The following ARHGAP24 variants were observed in gnomAD, a reference collection of about 807,000 sequenced individuals.
ARHGAP24 encodes Rho GTPase activating protein 24.
In ARHGAP24, 50 loss-of-function variants were observed where a neutral mutation model predicts 76.4. That is an observed-to-expected ratio of 0.65 (90% CI 0.52 to 0.83). The LOEUF is 0.83. ARHGAP24 is among the 40% of genes least tolerant of loss of function. The pLI is 0.00. For missense variants in ARHGAP24, 930 were observed against 914.2 expected (o/e 1.02, Z -0.22); for synonymous variants, 345 against 323.3 (o/e 1.07, Z -0.72).
At chr4:85,984,798 G>A (rs1739882202) in intron 8 of ARHGAP24, among the ~76,000 whole-genome samples, 1 of 151,888 alleles carries the variant, frequency 6.6e-6, no homozygotes, top group African/African-American at 2.4e-5. Context: ...GGATTTTTTT[G>A]TTTTAGAAAA....
intron 3 of ARHGAP24, among the ~76,000 whole-genome samples, chr4:85,725,404 C>A (rs1287646617): frequency 6.6e-6 from 1 of 152,202 alleles, no homozygotes; most frequent in East Asian, 1.9e-4. Flanking sequence ...TTGCATAGGA[C>A]CTTTTCTCCC....
intron 2 of ARHGAP24, among the ~76,000 whole-genome samples, chr4:85,655,888 A>G (rs1316128644): frequency 4.0e-5 from 6 of 150,092 alleles, no homozygotes; most frequent in African/African-American, 1.5e-4. Context: ...AAGAGTAAGT[A>G]TACTGTACAC....
intron 3 of ARHGAP24, among the ~76,000 whole-genome samples, chr4:85,759,712 G>T (rs1012609518): frequency 1.3e-5 from 2 of 152,152 alleles, no homozygotes; most frequent in Non-Finnish European, 2.9e-5. Flanking sequence ...TGTGTAAAAG[G>T]ACAGTGGCAG....
chr4:85,849,111 CT>C lies in ARHGAP24; in HGVS notation c.269-74533del, dbSNP rs1183846047. ...ATGTTCTTCCATTTGTTTGTATCCT[CT>C]TTTATTTCCTTGAGCAGTGGTTTGT... On this transcript the variant is annotated intron_variant, in intron 3 of 9. Transcript: ENST00000395184. Among the ~76,000 whole-genome samples, 5 of 144,444 alleles carry C rather than the reference CT, an allele frequency of 3.5e-5. No homozygotes were observed. The South Asian group carries it at 7.5e-4, about 22-fold the overall frequency. The allele number at this position is 144,444 out of a possible 152,430, so 94.8% of individuals were successfully genotyped here.
chr4:85,594,576 T>C (rs1423808144), intron 2 of ARHGAP24, among the ~76,000 whole-genome samples: 2 of 152,042 alleles, frequency 1.3e-5, no homozygotes, highest in Non-Finnish European at 2.9e-5. Context: ...CACAATATTA[T>C]ATTCAAAAGC....
At chr4:85,801,470 G>T (rs1004279795) in intron 3 of ARHGAP24, among the ~76,000 whole-genome samples, 3 of 152,092 alleles carry the variant, frequency 2.0e-5, no homozygotes, top group African/African-American at 4.8e-5. Flanking sequence ...CCATATGGTT[G>T]GTCAGTTGCT....
intron 3 of ARHGAP24, among the ~76,000 whole-genome samples, chr4:85,775,403 CT>C (rs1218637559): frequency 6.6e-6 from 1 of 152,150 alleles, no homozygotes; most frequent in Admixed American, 6.5e-5. Flanking sequence ...GTTTAATGGA[CT>C]CACAGTTCCA....
intron 2 of ARHGAP24, among the ~76,000 whole-genome samples, chr4:85,626,246 G>A (rs1720949500): frequency 6.6e-6 from 1 of 152,164 alleles, no homozygotes; most frequent in South Asian, 2.1e-4. Context: ...TCCTTCAGGA[G>A]CTCTTTTAGG....
chr4:85,733,182 G>C lies in ARHGAP24; in HGVS notation c.268+11210G>C, dbSNP rs182428341. ...GGGTTCACACCTTTCTCCTGCCTCA[G>C]CTTCCCGAGTAGCTGGGACTACAGG... is the stretch of plus-strand genomic sequence containing the variant. On this transcript the variant is annotated intron_variant, in intron 3 of 9. Coordinates refer to ENST00000395184, the MANE Select transcript of ARHGAP24 (RefSeq NM_001025616.3). Among the ~76,000 whole-genome samples, 19 of 148,426 alleles carry C rather than the reference G, an allele frequency of 1.3e-4. No individual in the cohort carries two copies. In the East Asian group the frequency reaches 3.8e-3, roughly 30 times the overall value.
chr4:85,977,074 C>T (rs1739383163), intron 7 of ARHGAP24, among the ~76,000 whole-genome samples: 2 of 152,140 alleles, frequency 1.3e-5, no homozygotes, highest in Non-Finnish European at 2.9e-5. Context: ...AGGTGTGAGC[C>T]ACCATGTCCG....
intron 3 of ARHGAP24, among the ~76,000 whole-genome samples, chr4:85,828,253 T>C (rs1187619058): frequency 1.3e-5 from 2 of 152,218 alleles, no homozygotes; most frequent in African/African-American, 4.8e-5. Context: ...TGCTGCCACA[T>C]GATGTATCTG....
At chr4:85,877,083 A>G (rs1051379548) in intron 3 of ARHGAP24, among the ~76,000 whole-genome samples, 3 of 152,098 alleles carry the variant, frequency 2.0e-5, no homozygotes, top group Non-Finnish European at 2.9e-5. Flanking sequence ...CTCTATCTCT[A>G]TGTATCTATC....
At chr4:85,732,235 T>C (rs1319523085) in intron 3 of ARHGAP24, among the ~76,000 whole-genome samples, 1 of 152,066 alleles carries the variant, frequency 6.6e-6, no homozygotes, top group East Asian at 1.9e-4. Context: ...AAAGAGTGTG[T>C]TTGGGTGACT....
At chr4:85,496,007 T>C (rs998541309) in intron 1 of ARHGAP24, among the ~76,000 whole-genome samples, 1 of 152,250 alleles carries the variant, frequency 6.6e-6, no homozygotes, top group Non-Finnish European at 1.5e-5. Flanking sequence ...CCTACTGTTA[T>C]CTTTGTTGTG....
chr4:85,498,494 G>A (rs1723670094), intron 1 of ARHGAP24, among the ~76,000 whole-genome samples: 1 of 152,228 alleles, frequency 6.6e-6, no homozygotes, highest in Admixed American at 6.5e-5. Context: ...CCTGTGCCCT[G>A]TTTGTGAGCT....
At chr4:85,696,775 G>A (rs1342619102) in intron 2 of ARHGAP24, among the ~76,000 whole-genome samples, 3 of 152,204 alleles carry the variant, frequency 2.0e-5, no homozygotes, top group Non-Finnish European at 4.4e-5. Flanking sequence ...ATCTGGGGCA[G>A]CACTTTCAAC....
chr4:85,483,549 T>C (rs1192671457), intron 1 of ARHGAP24, among the ~76,000 whole-genome samples: 6 of 151,926 alleles, frequency 3.9e-5, no homozygotes, highest in South Asian at 2.1e-4. Context: ...GAGGCGGAGG[T>C]TGCAGTGAGC....
chr4:85,613,640 A>C (rs10017042), intron 2 of ARHGAP24, among the ~76,000 whole-genome samples: 50,562 of 152,022 alleles, frequency 0.33, 9,454 homozygotes, highest in East Asian at 0.84. Context: ...TTTGGGGAAT[A>C]TTACCAAACA....
At chr4:85,835,610 G>A (rs1205735577) in intron 3 of ARHGAP24, among the ~76,000 whole-genome samples, 3 of 151,464 alleles carry the variant, frequency 2.0e-5, no homozygotes, top group Non-Finnish European at 2.9e-5. Flanking sequence ...GTTCTAAAAA[G>A]GAAAGCAATT....
Sources: allele counts gnomAD v4.1 joint callset (sites outside exome capture counted in the v4.1 genomes callset), GRCh38; gene constraint gnomAD v4.1.1; transcripts MANE v1.5; gene names NCBI Gene and HGNC (gene_info 2026-07-23, HGNC 2026-07-21).